SPRED2: variants seen among roughly 807,000 people sequenced by gnomAD.
The protein encoded by SPRED2 is sprouty-related, EVH1 domain-containing protein 2.
A neutral mutation model predicts 43.0 loss-of-function variants in SPRED2; 47 were observed. The ratio of observed to expected loss-of-function variants is 1.09; its 90% confidence interval spans 0.87 to 1.40. The LOEUF is 1.40. Among genes scored for constraint, SPRED2 ranks in the 40% most tolerant of loss-of-function variants. The pLI is 0.00. For missense variants in SPRED2, 561 were observed against 586.4 expected (o/e 0.96, Z 0.45); for synonymous variants, 225 against 225.7 (o/e 1.00, Z 0.03).
intron 2 of SPRED2, among the ~76,000 whole-genome samples, chr2:65,338,673 C>T (rs1192645887): frequency 1.2e-4 from 18 of 151,754 alleles, no homozygotes; most frequent in African/African-American, 4.4e-4. Context: ...AGCCGCCTGC[C>T]TTGGCCCCCC....
chr2:65,421,082 G>A (rs1277884525), intron 1 of SPRED2, among the ~76,000 whole-genome samples: 1 of 151,934 alleles, frequency 6.6e-6, no homozygotes, highest in African/African-American at 2.4e-5. Flanking sequence ...ATACAGTTTG[G>A]GACTTCACAT....
chr2:65,318,135 A>G (rs1264984846), intron 4 of SPRED2, among the ~76,000 whole-genome samples: 2 of 152,058 alleles, frequency 1.3e-5, no homozygotes, highest in African/African-American at 4.8e-5. Flanking sequence ...ATGGTTTTAA[A>G]AAGAGGTGTT....
chr2:65,363,132 C>T (rs1273612718), intron 1 of SPRED2, among the ~76,000 whole-genome samples: 1 of 136,008 alleles, frequency 7.4e-6, no homozygotes, highest in African/African-American at 2.8e-5. Context: ...CCCAGCTACT[C>T]GGAGGCTGAG....
chr2:65,325,907 C>A (rs140031476), intron 4 of SPRED2, among the ~76,000 whole-genome samples: 3 of 151,696 alleles, frequency 2.0e-5, no homozygotes, highest in Non-Finnish European at 2.9e-5. Context: ...CACTTGAACC[C>A]GGGAGGCGGA....
At chr2:65,415,735 A>T (rs533020258) in intron 1 of SPRED2, among the ~76,000 whole-genome samples, 4 of 151,956 alleles carry the variant, frequency 2.6e-5, no homozygotes, top group African/African-American at 7.3e-5. Flanking sequence ...TTTATTTTTT[A>T]ATTTTTTTTA....
At chr2:65,332,892 T>C (rs1297040302) in intron 3 of SPRED2, among the ~76,000 whole-genome samples, 1 of 152,220 alleles carries the variant, frequency 6.6e-6, no homozygotes, top group Non-Finnish European at 1.5e-5. Flanking sequence ...TAAAATTGCA[T>C]CAGTGACAGA....
chr2:65,354,504 G>A (rs1267121799), intron 1 of SPRED2, among the ~76,000 whole-genome samples: 3 of 151,242 alleles, frequency 2.0e-5, no homozygotes, highest in Non-Finnish European at 4.4e-5. Context: ...TATAAATCCT[G>A]CACAGGAAAA....
chr2:65,324,556 G>T (rs2104166529), intron 4 of SPRED2, among the ~76,000 whole-genome samples: 1 of 152,266 alleles, frequency 6.6e-6, no homozygotes, highest in South Asian at 2.1e-4. Context: ...TCTTGTTCTT[G>T]GAAGCTTGGC....
At chr2:65,413,324 T>C (rs1023289695) in intron 1 of SPRED2, among the ~76,000 whole-genome samples, 1 of 152,154 alleles carries the variant, frequency 6.6e-6, no homozygotes, top group South Asian at 2.1e-4. Context: ...AAAGCCACCC[T>C]AGACTGCACA....
Position 65,311,524 on chromosome 2 carries a change from AGAG to A in SPRED2, c.*1974_*1976del. ...AACGAACATTAGTGTTGTGCTTTGT[AGAG>A]AAGAGACCCTAGAGAAAGACCCCAA... On this transcript the variant is annotated 3_prime_UTR_variant, in exon 6 of 6. Transcript: ENST00000356388. 1.0e-6 allele frequency: 1 copy of A among 985,876 alleles called. No homozygotes were observed. Among genetic ancestry groups the A allele is most frequent in the Non-Finnish European group, 1.2e-6 (1 of 829,940 alleles). The allele number at this position is 985,876 out of a possible 1,614,324, so 61.1% of individuals were successfully genotyped here.
intron 1 of SPRED2, among the ~76,000 whole-genome samples, chr2:65,399,021 G>A (rs1434023297): frequency 6.6e-6 from 1 of 152,206 alleles, no homozygotes; most frequent in Non-Finnish European, 1.5e-5. Context: ...GCTCATGCCT[G>A]TAATCCCAGC....
chr2:65,308,060 C>T (rs1455691958), downstream of SPRED2, among the ~76,000 whole-genome samples: 1 of 151,046 alleles, frequency 6.6e-6, no homozygotes, highest in Non-Finnish European at 1.5e-5. Context: ...TCTAACAATA[C>T]TTTTTCCCCT....
intron 1 of SPRED2, among the ~76,000 whole-genome samples, chr2:65,419,496 T>C (rs984731526): frequency 7.2e-5 from 11 of 152,236 alleles, no homozygotes; most frequent in Admixed American, 3.9e-4. Context: ...ATGCGGTTCA[T>C]AACAATAATT....
intron 1 of SPRED2, among the ~76,000 whole-genome samples, chr2:65,356,177 A>G (rs938053919): frequency 4.6e-5 from 7 of 152,194 alleles, no homozygotes; most frequent in African/African-American, 1.7e-4. Flanking sequence ...GTAATAACCC[A>G]CCCGTTGAAA....
chr2:65,431,731 G>A (rs1400690005), intron 1 of SPRED2, among the ~76,000 whole-genome samples: 1 of 152,018 alleles, frequency 6.6e-6, no homozygotes, highest in African/African-American at 2.4e-5. Flanking sequence ...TTGGCCCCCG[G>A]AGCTGCCACC....
chr2:65,430,279 A>T (rs771054366), intron 1 of SPRED2, among the ~76,000 whole-genome samples: 1 of 152,180 alleles, frequency 6.6e-6, no homozygotes, highest in Non-Finnish European at 1.5e-5. Context: ...TCTGAAATAG[A>T]AACACCAGCA....
chr2:65,418,883 A>T (rs1308600078), intron 1 of SPRED2, among the ~76,000 whole-genome samples: 1 of 151,814 alleles, frequency 6.6e-6, no homozygotes, highest in African/African-American at 2.4e-5. Flanking sequence ...TTTTTTATTT[A>T]AAACAAGAAT....
chr2:65,363,005 G>GTTTTTTTTTTTTTTTTTTTTTTTTTTTT (rs113081105), intron 1 of SPRED2, among the ~76,000 whole-genome samples: 1 of 121,072 alleles, frequency 8.3e-6, no homozygotes. Context: ...ATCATGTTTT[G>GTTTTTTTTTTTTTTTTTTTTTTTTTTTT]TTTTTTTTTT....
intron 1 of SPRED2, among the ~76,000 whole-genome samples, chr2:65,396,509 A>T (rs758499035): frequency 1.3e-5 from 2 of 152,242 alleles, no homozygotes; most frequent in Non-Finnish European, 2.9e-5. Flanking sequence ...ATATAGCAGA[A>T]ACTTGGTAAA....
Sources: gnomAD v4.1 joint callset for allele counts (sites outside exome capture counted in the v4.1 genomes callset) on GRCh38, gnomAD v4.1.1 for gene constraint, MANE v1.5 for transcripts, NCBI Gene and HGNC (gene_info 2026-07-23, HGNC 2026-07-21) for gene names.